Variants in KCNG2 observed in about 807,000 individuals in gnomAD.
KCNG2 encodes voltage-gated potassium channel regulatory subunit KCNG2.
Under a neutral mutation model 12.3 loss-of-function variants are expected in KCNG2, and 7 were observed. That is an observed-to-expected ratio of 0.57 (90% CI 0.32 to 1.07). The LOEUF (loss-of-function observed/expected upper bound fraction) is 1.07. KCNG2 is among the 50% of genes least tolerant of loss of function. The pLI, the probability that KCNG2 is intolerant of heterozygous loss-of-function variation, is 0.04. For missense variants in KCNG2, 703 were observed against 726.0 expected, an observed-to-expected ratio of 0.97 and a Z score of 0.36; for synonymous variants, 414 against 351.4, an observed-to-expected ratio of 1.18 and a Z score of -1.99.
chr18:79,829,516 C>A (rs538431282), intron 1 of KCNG2, among the ~76,000 whole-genome samples: 1 of 152,234 alleles, frequency 6.6e-6, no homozygotes, highest in Admixed American at 6.5e-5. Flanking sequence ...CACACCAGTC[C>A]GTCTCTGCCT....
At position 79,899,064 on chromosome 18, in the gene KCNG2, A is replaced by G. The variant is rs1701782178; in HGVS notation, c.649A>G (p.Ser217Gly). The G allele has an allele frequency of 6.3e-7, 1 of 1,583,482 alleles. No individual in the cohort carries two copies. Among genetic ancestry groups the G allele is most frequent in the Non-Finnish European group, 8.6e-7 (1 of 1,168,390 alleles). Residue 217 changes from serine (S) to glycine (G), a missense_variant, in exon 4 of 4, where the codon AGC becomes GGC. Ser to Gly is a moderately conservative substitution (Grantham distance 56, BLOSUM62 0). Coordinates refer to ENST00000316249, the MANE Select transcript of KCNG2 (RefSeq NM_012283.2). ...GGGCGAGTGCTCCCCCAAGTGCCGC[A>G]GCCTGTTCGTGCTGGAGACCGTGTG... Reference protein sequence around the residue: ...ERGECSPKCRSLFVLETVCVA... With the variant: ...ERGECSPKCRGLFVLETVCVA...
In KCNG2 at chr18:79,896,610, T is replaced by C. The variant is rs148265336; in HGVS notation, c.625-2430T>C. ...TTATATACATCTTATTTTTATACAG[T>C]TGCTGTTCAAATCCGTTAAAAAATT... On this transcript the variant is annotated intron_variant, in intron 3 of 3. Transcript: ENST00000316249. Among the ~76,000 whole-genome samples the C allele has an allele frequency of 1.5e-3, 233 of 152,380 alleles. 7 individuals are homozygous for C. The East Asian group carries it at 0.035, about 23-fold the overall frequency.
chr18:79,887,013 G>A (rs1980541018), intron 3 of KCNG2, among the ~76,000 whole-genome samples: 1 of 113,740 alleles, frequency 8.8e-6, no homozygotes, highest in Admixed American at 9.0e-5. Context: ...ACAGGGACAT[G>A]GGGACACGGG....
intron 2 of KCNG2, among the ~76,000 whole-genome samples, chr18:79,858,950 C>T (rs750452511): frequency 6.6e-6 from 1 of 152,178 alleles, no homozygotes; most frequent in Non-Finnish European, 1.5e-5. Flanking sequence ...TCCAAGAGTT[C>T]CTAACATCCT....
intron 1 of KCNG2, among the ~76,000 whole-genome samples, chr18:79,819,467 C>T (rs758001744): frequency 6.9e-4 from 105 of 152,192 alleles, no homozygotes; most frequent in Non-Finnish European, 1.4e-3. Context: ...CCCTGGGCAC[C>T]GGACCCTCCT....
At chr18:79,861,389 C>G (rs1289690939) in intron 2 of KCNG2, among the ~76,000 whole-genome samples, 3 of 151,308 alleles carry the variant, frequency 2.0e-5, no homozygotes, top group African/African-American at 7.3e-5. Flanking sequence ...GCAATTCTCC[C>G]TGCCTCAGCC....
In KCNG2 at chr18:79,873,880, C is replaced by T. The variant is rs114650288; in HGVS notation, c.624+9589C>T. Among the ~76,000 whole-genome samples, 442 of 152,368 alleles carry T rather than the reference C, an allele frequency of 2.9e-3. 4 individuals carry two copies. Among genetic ancestry groups the T allele is most frequent in the African/African-American group, 0.01 (417 of 41,586 alleles). On this transcript the variant is annotated intron_variant, in intron 3 of 3. Coordinates refer to ENST00000316249, the MANE Select transcript of KCNG2 (RefSeq NM_012283.2). ...GTCCAGGTCCAGCCTGTGAGAGGCG[C>T]TGGCCTCGCTGCTGAGGGGACATCC...
At chr18:79,798,937 G>A (rs1458985124) in intron 1 of KCNG2, among the ~76,000 whole-genome samples, 7 of 152,192 alleles carry the variant, frequency 4.6e-5, no homozygotes, top group African/African-American at 1.4e-4. Flanking sequence ...CCGCCCGCGC[G>A]CCTGGCTCCC....
chr18:79,851,703 ATGTG>A (rs1023887957), intron 1 of KCNG2, among the ~76,000 whole-genome samples: 2 of 125,530 alleles, frequency 1.6e-5, no homozygotes, highest in Non-Finnish European at 3.2e-5. Flanking sequence ...GTGTGAATGT[ATGTG>A]TGTGTGAACG....
intron 2 of KCNG2, among the ~76,000 whole-genome samples, chr18:79,857,075 C>CA (rs1338837692): frequency 1.8e-5 from 2 of 110,074 alleles, no homozygotes; most frequent in East Asian, 2.8e-4. Flanking sequence ...CCCCCACAGC[C>CA]GCCCCCACAG....
intron 1 of KCNG2, among the ~76,000 whole-genome samples, chr18:79,834,210 A>G (rs1655535403): frequency 6.6e-6 from 1 of 152,228 alleles, no homozygotes; most frequent in Admixed American, 6.5e-5. Flanking sequence ...CAGAACCCTG[A>G]TAAAGACCCG....
rs762160038 is a variant in KCNG2 at position 79,801,934 on chromosome 18, C to T, written c.-115+3920C>T. Among the ~76,000 whole-genome samples the T allele has an allele frequency of 3.9e-5, 6 of 152,200 alleles. 1 individual carries two copies. The highest frequency in any genetic ancestry group is 2.0e-4 in the Admixed American group (3 of 15,288). Reference sequence around the variant, plus strand: ...ACCTGGTTAATGGGAAGCCACTTAGCCAGGGACTCTGGGGACCCCTTCGCC... The same window carrying T: ...ACCTGGTTAATGGGAAGCCACTTAGTCAGGGACTCTGGGGACCCCTTCGCC... On this transcript the variant is annotated intron_variant, in intron 1 of 3. Coordinates refer to ENST00000316249, the MANE Select transcript of KCNG2 (RefSeq NM_012283.2).
intron 3 of KCNG2, among the ~76,000 whole-genome samples, chr18:79,888,822 C>T (rs1163141364): frequency 1.3e-5 from 2 of 152,036 alleles, no homozygotes; most frequent in South Asian, 4.1e-4. Flanking sequence ...TTACAGAAGT[C>T]CACCACCACG....
chr18:79,867,462 G>T lies in KCNG2; in HGVS notation c.624+3171G>T, dbSNP rs1375923444. Among the ~76,000 whole-genome samples, 3 of 90,342 alleles carry T rather than the reference G, an allele frequency of 3.3e-5. No homozygotes were observed. In the South Asian group the frequency reaches 1.5e-3, roughly 44 times the overall value. The allele number at this position is 90,342 out of a possible 152,430, so 59.3% of individuals were successfully genotyped here. A position where few individuals can be genotyped will look rare whatever the true frequency, so the allele number is the denominator to read the frequency against. On this transcript the variant is annotated intron_variant, in intron 3 of 3. Transcript: ENST00000316249. ...AGCGTGTGTCGTGTCTTGGGGGGGG[G>T]ACCGTGAGCCCGGCGTTGTGTCGTG...
At chr18:79,824,948 A>G (rs1358264665) in intron 1 of KCNG2, among the ~76,000 whole-genome samples, 2 of 152,118 alleles carry the variant, frequency 1.3e-5, no homozygotes, top group African/African-American at 4.8e-5. Flanking sequence ...ATTTGGTTTA[A>G]ATATCAGTGT....
At chr18:79,853,802 G>A (rs1027003440) in intron 1 of KCNG2, among the ~76,000 whole-genome samples, 8 of 152,360 alleles carry the variant, frequency 5.3e-5, no homozygotes, top group Non-Finnish European at 1.0e-4. Flanking sequence ...GCCCCGCGCC[G>A]GGGACAGATG....
intron 1 of KCNG2, among the ~76,000 whole-genome samples, chr18:79,807,689 C>A (rs1382043335): frequency 6.6e-6 from 1 of 152,220 alleles, no homozygotes; most frequent in African/African-American, 2.4e-5. Context: ...TCAGCCTCGG[C>A]CCCAGAGTCC....
intron 1 of KCNG2, among the ~76,000 whole-genome samples, chr18:79,846,753 A>G (rs1362908287): frequency 1.3e-5 from 2 of 152,242 alleles, no homozygotes; most frequent in Non-Finnish European, 2.9e-5. Flanking sequence ...TCGTATGCTC[A>G]CTGATTGGTT....
At chr18:79,864,459 G>C (rs1265652542) in intron 3 of KCNG2, among the ~76,000 whole-genome samples, 168 bp downstream of exon 3, 1 of 151,936 alleles carries the variant, frequency 6.6e-6, no homozygotes, top group African/African-American at 2.4e-5. Flanking sequence ...GGCTGGAGGC[G>C]GCCGGGCTGA....
Sources: allele counts gnomAD v4.1 joint callset (sites outside exome capture counted in the v4.1 genomes callset), GRCh38; gene constraint gnomAD v4.1.1; transcripts MANE v1.5; gene names NCBI Gene and HGNC (gene_info 2026-07-23, HGNC 2026-07-21).